THSD7A: variants seen among roughly 807,000 people sequenced by gnomAD.
The protein encoded by THSD7A is thrombospondin type-1 domain-containing protein 7A.
A neutral mutation model predicts 231.3 loss-of-function variants in THSD7A; 96 were observed. The ratio of observed to expected loss-of-function variants is 0.41; its 90% CI spans 0.35 to 0.49. THSD7A has a LOEUF of 0.49. Among genes scored for constraint, THSD7A ranks in the 20% least tolerant of loss-of-function variants. The pLI, the probability that THSD7A is intolerant of heterozygous loss-of-function variation, is 0.05. For synonymous variants in THSD7A, 940 were observed against 743.3 expected, an observed-to-expected ratio of 1.26 and a Z score of -4.30; for missense variants, 2,290 against 2,070.2, an observed-to-expected ratio of 1.11 and a Z score of -2.06.
rs1436132322 is a variant in THSD7A, at chr7:11,372,966, A to G, written c.*2828T>C. 1 of 151,842 alleles carries G rather than the reference A, an allele frequency of 6.6e-6. No homozygotes were observed. Among genetic ancestry groups the G allele is most frequent in the Non-Finnish European group, 1.5e-5 (1 of 67,914 alleles). 9.4% of individuals were successfully genotyped at this position (151,842 alleles called of 1,614,324 possible). On this transcript the variant is annotated 3_prime_UTR_variant, in exon 28 of 28. Transcript: ENST00000423059. ...TTCCACCTTTCTAACGAGGTTATCC[A>G]GTATTTATTTATCCTAACAAACAGT...
rs1257887013 is a variant in THSD7A at position 11,446,284 on chromosome 7, C to T, written c.2841G>A (p.Leu947=). ...KKKEKCKNSH[L]YPLIETQYCP... ...AATACTGAGTCTCAATCAGGGGATA[C>T]AAATGGGAATTTTTACATTTTTCCT... Residue 947 remains leucine (L), a synonymous_variant, in exon 13 of 28, where the codon TTG becomes TTA. Coordinates refer to ENST00000423059, the MANE Select transcript of THSD7A (RefSeq NM_015204.3). This position sits in a 1 kb window ranked among gnomAD's most constrained non-coding sequence, Gnocchi z 4.0. 3.1e-6 allele frequency: 5 copies of T among 1,612,420 alleles called. No individual in the cohort carries two copies. Among genetic ancestry groups the T allele is most frequent in the Admixed American group, 1.7e-5 (1 of 59,828 alleles).
chr7:11,547,705 T>C (rs929243605), intron 4 of THSD7A, among the ~76,000 whole-genome samples: 5 of 152,152 alleles, frequency 3.3e-5, no homozygotes, highest in Non-Finnish European at 4.4e-5. Context: ...AATACTAAGA[T>C]GATCTCTCAA....
chr7:11,552,898 G>C (rs920512662), intron 4 of THSD7A, among the ~76,000 whole-genome samples: 1 of 151,974 alleles, frequency 6.6e-6, no homozygotes, highest in East Asian at 1.9e-4. Flanking sequence ...ATCAGACACC[G>C]CCTCCTCAAA....
intron 1 of THSD7A, among the ~76,000 whole-genome samples, chr7:11,696,983 T>C (rs1296835843): frequency 6.6e-6 from 1 of 151,442 alleles, no homozygotes; most frequent in African/African-American, 2.4e-5. Flanking sequence ...CTGTGGAGAA[T>C]ATCAAACCTT....
intron 4 of THSD7A, among the ~76,000 whole-genome samples, chr7:11,568,819 G>C (rs935019651): frequency 6.6e-6 from 1 of 151,422 alleles, no homozygotes; most frequent in Non-Finnish European, 1.5e-5. Flanking sequence ...TGTATATATA[G>C]AAAAGCCTGA....
intron 1 of THSD7A, among the ~76,000 whole-genome samples, chr7:11,658,118 G>T (rs1005568211): frequency 2.0e-5 from 3 of 151,676 alleles, no homozygotes; most frequent in African/African-American, 7.3e-5. Flanking sequence ...TGAGAAAAAT[G>T]AACACATAGG....
chr7:11,487,554 T>C (rs925218619), intron 6 of THSD7A, among the ~76,000 whole-genome samples: 5 of 152,124 alleles, frequency 3.3e-5, no homozygotes, highest in African/African-American at 9.7e-5. Context: ...ATTTTCATGC[T>C]GCTAATCAAG....
intron 23 of THSD7A, among the ~76,000 whole-genome samples, chr7:11,399,818 C>A (rs1269986347): frequency 1.3e-5 from 2 of 152,124 alleles, no homozygotes; most frequent in African/African-American, 4.8e-5. Flanking sequence ...TGGGTATACG[C>A]CCAAAGGACT....
chr7:11,505,274 C>T (rs116739575), intron 6 of THSD7A, among the ~76,000 whole-genome samples: 2,627 of 152,130 alleles, frequency 0.017, 63 homozygotes, highest in African/African-American at 0.057. Flanking sequence ...CGTCCAAATT[C>T]TTCTCTCAAA....
chr7:11,428,938 A>G lies in THSD7A; in HGVS notation c.3243+9T>C. 1 of 1,599,730 alleles carries G rather than the reference A, an allele frequency of 6.3e-7. No individual in the cohort carries two copies. Among genetic ancestry groups the G allele is most frequent in the Non-Finnish European group, 8.5e-7 (1 of 1,174,884 alleles). ...ACAATATCTTAACACTGTCAATGAT[A>G]GAAAATACCTGGTTGACATGGTCCA... On this transcript the variant is annotated intron_variant, in intron 14 of 27. Transcript: ENST00000423059.
At chr7:11,702,705 C>A (rs1371645914) in intron 1 of THSD7A, among the ~76,000 whole-genome samples, 1 of 151,086 alleles carries the variant, frequency 6.6e-6, no homozygotes. Flanking sequence ...TCTACCTGAG[C>A]AAATTAAATA....
intron 5 of THSD7A, 49 bp downstream of exon 5, chr7:11,542,913 T>A: frequency 6.4e-7 from 1 of 1,555,146 alleles, no homozygotes; most frequent in Non-Finnish European, 8.7e-7. Context: ...AATTCATGAT[T>A]TGATACAATT....
chr7:11,383,686 A>G (rs1036503684), intron 23 of THSD7A: 7 of 150,194 alleles, frequency 4.7e-5, no homozygotes, highest in Non-Finnish European at 1.0e-4. Flanking sequence ...TTCCTTGATT[A>G]CTAAAGTTAT....
intron 1 of THSD7A, among the ~76,000 whole-genome samples, chr7:11,708,554 A>G (rs955838823): frequency 9.3e-5 from 14 of 150,736 alleles, no homozygotes; most frequent in Admixed American, 8.0e-4. Context: ...AAATCACTTA[A>G]TCTTTCAGGA....
intron 1 of THSD7A, among the ~76,000 whole-genome samples, chr7:11,722,444 T>TA (rs1211945180): frequency 6.6e-6 from 1 of 151,918 alleles, no homozygotes; most frequent in Non-Finnish European, 1.5e-5. Flanking sequence ...AGATGTTTCT[T>TA]AGACTTTTGC....
chr7:11,677,977 G>A (rs1345763602), intron 1 of THSD7A, among the ~76,000 whole-genome samples: 1 of 152,064 alleles, frequency 6.6e-6, no homozygotes, highest in Non-Finnish European at 1.5e-5. Context: ...CAAAAGAATG[G>A]AAATCATAAC....
intron 6 of THSD7A, among the ~76,000 whole-genome samples, chr7:11,499,104 A>G: frequency 6.6e-6 from 1 of 152,286 alleles, no homozygotes; most frequent in East Asian, 1.9e-4. Flanking sequence ...CTAATGAAGG[A>G]GCAAAGACCC....
At chr7:11,673,070 T>C (rs913296835) in intron 1 of THSD7A, among the ~76,000 whole-genome samples, 4 of 151,972 alleles carry the variant, frequency 2.6e-5, no homozygotes, top group African/African-American at 9.7e-5. Context: ...TTCAAACAGA[T>C]CATTTGAGAG....
chr7:11,575,412 A>G (rs1445345239), intron 4 of THSD7A, among the ~76,000 whole-genome samples: 1 of 152,106 alleles, frequency 6.6e-6, no homozygotes, highest in Non-Finnish European at 1.5e-5. Context: ...TTTGCCCTGC[A>G]TCTAGTTAGG....
Sources: gnomAD v4.1 joint callset for allele counts (sites outside exome capture counted in the v4.1 genomes callset) on GRCh38, gnomAD v4.1.1 for gene constraint, Gnocchi (gnomAD v3.1) non-coding constraint, MANE v1.5 for transcripts, NCBI Gene and HGNC (gene_info 2026-07-23, HGNC 2026-07-21) for gene names.